The following PPM1L variants were observed in gnomAD, a reference collection of about 807,000 sequenced individuals.
PPM1L encodes the protein protein phosphatase 1L.
A neutral mutation model predicts 31.4 loss-of-function variants in PPM1L; 13 were observed. That is an observed-to-expected ratio of 0.41 (90% CI 0.27 to 0.66). The LOEUF is 0.66. Among genes scored for constraint, PPM1L ranks in the 30% least tolerant of loss-of-function variants. The pLI, the probability that PPM1L is intolerant of heterozygous loss-of-function variation, is 0.29. For synonymous variants in PPM1L, 184 were observed against 175.4 expected (o/e 1.05, Z -0.39); for missense variants, 326 against 453.7 (o/e 0.72, Z 2.56).
chr3:161,013,891 C>T (rs775268060), intron 2 of PPM1L, among the ~76,000 whole-genome samples: 2 of 152,112 alleles, frequency 1.3e-5, no homozygotes, highest in African/African-American at 4.8e-5. Flanking sequence ...CTTCCTCCAT[C>T]CCTTTATTTT....
intron 1 of PPM1L, among the ~76,000 whole-genome samples, chr3:160,793,073 T>C (rs1576639946): frequency 6.6e-6 from 1 of 152,294 alleles, no homozygotes; most frequent in East Asian, 1.9e-4. Flanking sequence ...TGACTTTTGA[T>C]GTTAACCTTG....
At position 160,756,437 on chromosome 3, in the gene PPM1L, C is replaced by T. The variant is rs763587147; in HGVS notation, c.129C>T (p.Asp43=). 1 of 1,614,200 alleles carries T rather than the reference C, an allele frequency of 6.2e-7. No individual in the cohort carries two copies. Among genetic ancestry groups the T allele is most frequent in the South Asian group, 1.1e-5 (1 of 91,082 alleles). The stretch of plus-strand genomic sequence containing the variant: ...TATGGAGTTACTTCTTCCACACCGA[C>T]GAGGTGAAGACCATCGTGAAGTCCA... The part of the protein sequence containing the change: ...LALWSYFFHT[D]EVKTIVKSSR... Residue 43 remains aspartate, a synonymous_variant, in exon 1 of 4, where the codon GAC becomes GAT. Coordinates refer to ENST00000498165, the MANE Select transcript of PPM1L (RefSeq NM_139245.4). The surrounding 1 kb of genome is among the most constrained non-coding windows in gnomAD (Gnocchi z 6.2).
chr3:160,996,833 G>T (rs1473470625), intron 2 of PPM1L, among the ~76,000 whole-genome samples: 1 of 152,122 alleles, frequency 6.6e-6, no homozygotes, highest in Non-Finnish European at 1.5e-5. Flanking sequence ...TAAAAATGCA[G>T]TGATGAGTGA....
At chr3:160,797,635 C>T (rs1188143899) in intron 1 of PPM1L, among the ~76,000 whole-genome samples, 2 of 152,216 alleles carry the variant, frequency 1.3e-5, no homozygotes, top group African/African-American at 2.4e-5. Flanking sequence ...AAAAGTGCTA[C>T]TCCAGTGAAC....
At chr3:161,065,027 G>A (rs1719683096) in intron 2 of PPM1L, among the ~76,000 whole-genome samples, 2 of 151,782 alleles carry the variant, frequency 1.3e-5, no homozygotes, top group African/African-American at 4.8e-5. Flanking sequence ...ACTTCCAACT[G>A]GGACTTCACA....
In PPM1L at chr3:160,961,835, A is replaced by G. The variant is rs141666940; in HGVS notation, c.499A>G (p.Thr167Ala). The G allele has an allele frequency of 3.0e-5, 48 of 1,601,590 alleles. No individual in the cohort carries two copies. The highest frequency in any genetic ancestry group is 4.0e-5 in the Non-Finnish European group (47 of 1,174,586). The change falls in exon 2 of 4, where the codon ACC (threonine) becomes GCC (alanine). Residue 167 changes from threonine (T) to alanine (A), a missense_variant. Physicochemically the swap from Thr to Ala is moderately conservative, Grantham distance 58. This residue lies in a region of PPM1L where 201 missense variants were observed against 298.2 expected (regional missense o/e 0.67). Coordinates refer to ENST00000498165, the MANE Select transcript of PPM1L (RefSeq NM_139245.4). Reference sequence around the variant, plus strand: ...AGAAAATAGTGTATTATCTTACCAGACCATCCTTGAACAGCAGATTTTGTC... The same window carrying G: ...AGAAAATAGTGTATTATCTTACCAGGCCATCCTTGAACAGCAGATTTTGTC... Reference protein sequence around the residue: ...DKENSVLSYQTILEQQILSID... With the variant: ...DKENSVLSYQAILEQQILSID...
chr3:160,828,076 C>T (rs1398632614), intron 1 of PPM1L, among the ~76,000 whole-genome samples: 2 of 151,968 alleles, frequency 1.3e-5, no homozygotes, highest in African/African-American at 2.4e-5. Flanking sequence ...ATGACGCAAA[C>T]ACCTCCCACC....
In PPM1L at chr3:161,075,781, T is replaced by C. The variant is rs952663754; in HGVS notation, c.*6624T>C. ...TACGCTCTTAGTGAAGGAGATAACATTGAAGTGAGAAAATGAACATTCTCA... is the reference window on the plus strand; with the variant it reads ...TACGCTCTTAGTGAAGGAGATAACACTGAAGTGAGAAAATGAACATTCTCA... On this transcript the variant is annotated 3_prime_UTR_variant, in exon 4 of 4. Transcript: ENST00000498165. 11 of 152,156 alleles carry C rather than the reference T, an allele frequency of 7.2e-5. No individual in the cohort carries two copies. The highest frequency in any genetic ancestry group is 2.6e-4 in the Admixed American group (4 of 15,282). The allele number at this position is 152,156 out of a possible 1,614,324, so 9.4% of individuals were successfully genotyped here.
intron 1 of PPM1L, among the ~76,000 whole-genome samples, chr3:160,849,753 A>G (rs1268070551): frequency 1.3e-5 from 2 of 151,364 alleles, no homozygotes; most frequent in Non-Finnish European, 2.9e-5. Context: ...TTTAGTAGAG[A>G]TGGAATTTCA....
chr3:161,017,417 A>C (rs1460821431), intron 2 of PPM1L, among the ~76,000 whole-genome samples: 1 of 152,162 alleles, frequency 6.6e-6, no homozygotes, highest in Non-Finnish European at 1.5e-5. Flanking sequence ...TTGGCTCTTC[A>C]GTAGCATTTT....
chr3:160,963,299 A>G (rs546421087), intron 2 of PPM1L, among the ~76,000 whole-genome samples: 1 of 152,182 alleles, frequency 6.6e-6, no homozygotes, highest in East Asian at 1.9e-4. Context: ...CTATGCTTTT[A>G]CTACACTAAT....
At chr3:160,968,531 G>A (rs923019594) in intron 2 of PPM1L, among the ~76,000 whole-genome samples, 6 of 152,138 alleles carry the variant, frequency 3.9e-5, no homozygotes, top group East Asian at 3.9e-4. Flanking sequence ...TTTTATGCTG[G>A]AGTATTATTT....
At position 161,062,725 on chromosome 3, in the gene PPM1L, T is replaced by A. The variant is rs113865250; in HGVS notation, c.575-2678T>A. Among the ~76,000 whole-genome samples the A allele has an allele frequency of 2.8e-3, 431 of 152,346 alleles. 4 individuals are homozygous for A. The highest frequency in any genetic ancestry group is 3.7e-3 in the Non-Finnish European group (252 of 68,026). On this transcript the variant is annotated intron_variant, in intron 2 of 3. Coordinates refer to ENST00000498165, the MANE Select transcript of PPM1L (RefSeq NM_139245.4). Reference sequence around the variant, plus strand: ...AAATCTTGCGTGGCAGCTGACTTGTTAGCTGTTAACACGTGGAAGCAGAGC... The same window carrying A: ...AAATCTTGCGTGGCAGCTGACTTGTAAGCTGTTAACACGTGGAAGCAGAGC...
intron 1 of PPM1L, among the ~76,000 whole-genome samples, chr3:160,938,087 C>CT (rs1715040043): frequency 6.6e-6 from 1 of 152,168 alleles, no homozygotes; most frequent in Admixed American, 6.5e-5. Flanking sequence ...TCACCACACT[C>CT]TTATAATGTT....
At chr3:160,938,059 T>C (rs1715038117) in intron 1 of PPM1L, among the ~76,000 whole-genome samples, 1 of 152,248 alleles carries the variant, frequency 6.6e-6, no homozygotes, top group South Asian at 2.1e-4. Flanking sequence ...TTCATCCTTA[T>C]ATCATTACTT....
intron 2 of PPM1L, among the ~76,000 whole-genome samples, chr3:161,041,118 A>T (rs566745688): frequency 6.6e-6 from 1 of 152,262 alleles, no homozygotes; most frequent in South Asian, 2.1e-4. Context: ...ACAATCTTTT[A>T]TCTTAACCTG....
At chr3:160,765,649 G>T (rs531405196) in intron 1 of PPM1L, among the ~76,000 whole-genome samples, 1 of 152,200 alleles carries the variant, frequency 6.6e-6, no homozygotes, top group African/African-American at 2.4e-5. Flanking sequence ...TTGCCTGTTG[G>T]CTCATGAAAG....
intron 1 of PPM1L, among the ~76,000 whole-genome samples, chr3:160,919,589 C>T (rs149415021): frequency 1.5e-3 from 225 of 152,212 alleles, no homozygotes; most frequent in African/African-American, 4.9e-3. Context: ...AAGCTAAGAA[C>T]GCGTAGCTTT....
At chr3:160,766,666 A>G (rs1374422213) in intron 1 of PPM1L, among the ~76,000 whole-genome samples, 2 of 151,854 alleles carry the variant, frequency 1.3e-5, no homozygotes, top group African/African-American at 4.8e-5. Flanking sequence ...CAGCGTTAAA[A>G]TGGACTAATA....
Sources: gnomAD v4.1 joint callset for allele counts (sites outside exome capture counted in the v4.1 genomes callset) on GRCh38, gnomAD v4.1.1 for gene constraint, gnomAD v4.1.1 regional missense constraint, Gnocchi (gnomAD v3.1) non-coding constraint, MANE v1.5 for transcripts, NCBI Gene and HGNC (gene_info 2026-07-23, HGNC 2026-07-21) for gene names.